DISC1: variants seen among roughly 807,000 people sequenced by gnomAD.
The protein encoded by DISC1 is DISC1 scaffold protein, also known as disrupted in schizophrenia 1 protein.
In DISC1, 57 loss-of-function variants were observed where a neutral mutation model predicts 84.5. The observed-to-expected ratio is 0.67, with a 90% CI of 0.55 to 0.84. The LOEUF is 0.84. Among genes scored for constraint, DISC1 ranks in the 40% least tolerant of loss-of-function variants. The pLI is 0.00. For synonymous variants in DISC1, 411 were observed against 415.2 expected (o/e 0.99, Z 0.12); for missense variants, 1,000 against 1,057.8 (o/e 0.95, Z 0.76).
chr1:231,638,388 G>A (rs2059366019), intron 1 of DISC1, among the ~76,000 whole-genome samples: 1 of 152,018 alleles, frequency 6.6e-6, no homozygotes, highest in Admixed American at 6.6e-5. Context: ...GTGCTTTTGA[G>A]GTCTTAGTCA....
At chr1:231,921,420 G>C (rs2090002327) in intron 9 of DISC1, among the ~76,000 whole-genome samples, 1 of 152,186 alleles carries the variant, frequency 6.6e-6, no homozygotes, top group Non-Finnish European at 1.5e-5. Context: ...TAGAGATACT[G>C]ACCCTTCCTT....
chr1:231,919,503 G>A (rs2038636), intron 9 of DISC1, among the ~76,000 whole-genome samples: 78,626 of 152,006 alleles, frequency 0.52, 21,129 homozygotes, highest in Non-Finnish European at 0.59. Flanking sequence ...AGCAGTCTAA[G>A]TGTATGTCTT....
At chr1:231,949,691 G>A (rs751710185) in intron 9 of DISC1, among the ~76,000 whole-genome samples, 3 of 152,164 alleles carry the variant, frequency 2.0e-5, no homozygotes, top group Non-Finnish European at 4.4e-5. Flanking sequence ...CTTCCTGCTA[G>A]TGTCCCAGCA....
intron 9 of DISC1, among the ~76,000 whole-genome samples, chr1:231,819,649 G>A (rs1259691142): frequency 6.6e-6 from 1 of 152,126 alleles, no homozygotes; most frequent in African/African-American, 2.4e-5. Context: ...CTAAATAACT[G>A]TAGTACTAGG....
At chr1:231,944,867 G>A (rs1440299912) in intron 9 of DISC1, 1 of 152,190 alleles carries the variant, frequency 6.6e-6, no homozygotes, top group Non-Finnish European at 1.5e-5. Flanking sequence ...TAATGGTAAA[G>A]GGATCAATGC....
At chr1:231,736,868 A>G (rs915098587) in intron 3 of DISC1, among the ~76,000 whole-genome samples, 5 of 152,208 alleles carry the variant, frequency 3.3e-5, no homozygotes, top group African/African-American at 1.2e-4. Flanking sequence ...TACACTATAT[A>G]TTTTGTCATC....
At chr1:231,904,947 T>C (rs1380785460) in intron 9 of DISC1, among the ~76,000 whole-genome samples, 1 of 152,090 alleles carries the variant, frequency 6.6e-6, no homozygotes, top group African/African-American at 2.4e-5. Context: ...GTGAATAAGA[T>C]AGAAAAATCT....
chr1:231,667,602 A>G (rs1200491253), intron 1 of DISC1, among the ~76,000 whole-genome samples: 9 of 152,220 alleles, frequency 5.9e-5, no homozygotes, highest in Non-Finnish European at 1.5e-5. Context: ...TCTTTTAAAA[A>G]TTAGCAATTC....
chr1:231,843,729 C>T (rs1326959304), intron 9 of DISC1, among the ~76,000 whole-genome samples: 1 of 152,072 alleles, frequency 6.6e-6, no homozygotes, highest in Non-Finnish European at 1.5e-5. Context: ...CTGGCCTGGA[C>T]CACCGGTGGG....
chr1:231,833,111 G>A (rs895277161), intron 9 of DISC1, among the ~76,000 whole-genome samples: 18 of 150,162 alleles, frequency 1.2e-4, no homozygotes, highest in South Asian at 2.1e-4. Context: ...GAAGAAGGGC[G>A]GCAATGAGAT....
At chr1:231,782,587 A>G (rs2077508572) in intron 6 of DISC1, among the ~76,000 whole-genome samples, 2 of 152,238 alleles carry the variant, frequency 1.3e-5, no homozygotes, top group South Asian at 4.1e-4. Context: ...TATGGAAAAT[A>G]TAAATACTTA....
intron 1 of DISC1, among the ~76,000 whole-genome samples, chr1:231,639,340 G>A (rs906274313): frequency 2.6e-5 from 4 of 152,112 alleles, no homozygotes; most frequent in African/African-American, 9.7e-5. Flanking sequence ...TGGATTTAGG[G>A]GACTGATGAA....
intron 1 of DISC1, among the ~76,000 whole-genome samples, chr1:231,671,481 A>T (rs1041552510): frequency 1.3e-5 from 2 of 152,160 alleles, no homozygotes; most frequent in Non-Finnish European, 2.9e-5. Flanking sequence ...CTAGGTTATC[A>T]TAAAAAAATT....
chr1:231,892,414 C>G (rs973497277), intron 9 of DISC1, among the ~76,000 whole-genome samples: 1 of 152,118 alleles, frequency 6.6e-6, no homozygotes, highest in Non-Finnish European at 1.5e-5. Context: ...ATGGCTCCCT[C>G]ACTTATAAAC....
chr1:231,750,618 G>T, intron 4 of DISC1: 1 of 982,212 alleles, frequency 1.0e-6, no homozygotes, highest in Non-Finnish European at 1.2e-6. Flanking sequence ...GAATAACTTA[G>T]AAAGATTTAA....
rs1318044384 is a variant in DISC1 at position 231,693,916 on chromosome 1, G to T, written c.158G>T (p.Gly53Val). 8 of 1,614,092 alleles carry T rather than the reference G, an allele frequency of 5.0e-6. No individual in the cohort carries two copies. Among genetic ancestry groups the T allele is most frequent in the Non-Finnish European group, 6.8e-6 (8 of 1,180,046 alleles). ...TACATGAGAAGCTCGACAGGGCCTG[G>T]GATCGGGTTCCTTTCCCCAGCAGTG... is the stretch of plus-strand genomic sequence containing the variant. ...PGYMRSSTGPGIGFLSPAVGT... is the reference protein window; with the variant it reads ...PGYMRSSTGPVIGFLSPAVGT... Residue 53 changes from glycine (G) to valine (V), a missense_variant, in exon 2 of 13, where the codon GGG becomes GTG. By Grantham distance (109) the Gly-to-Val change is moderately radical (BLOSUM62 -3). Around this residue, in one of 3 missense-constraint regions of DISC1, gnomAD observed 292 missense variants for 280.2 expected, o/e 1.04. Coordinates refer to ENST00000439617, the MANE Select transcript of DISC1 (RefSeq NM_018662.3).
At chr1:232,026,399 C>A in intron 11 of DISC1, 36 bp from the exon 12 acceptor site, 1 of 1,408,436 alleles carries the variant, frequency 7.1e-7, no homozygotes, top group Non-Finnish European at 9.9e-7. Context: ...GTGTCCACGG[C>A]ACTAACAAGT....
intron 10 of DISC1, among the ~76,000 whole-genome samples, chr1:231,996,139 CTTTTGA>C (rs1033973125): frequency 1.3e-5 from 2 of 152,160 alleles, no homozygotes; most frequent in African/African-American, 4.8e-5. Context: ...TAAATGTCTT[CTTTTGA>C]GAAGTGTCTG....
intron 9 of DISC1, among the ~76,000 whole-genome samples, chr1:231,882,030 A>T (rs1465489077): frequency 1.3e-5 from 2 of 152,180 alleles, no homozygotes; most frequent in Non-Finnish European, 2.9e-5. Context: ...TTGCCAGCCC[A>T]TCTCCACTCC....
Sources: gnomAD v4.1 joint callset for allele counts (sites outside exome capture counted in the v4.1 genomes callset) on GRCh38, gnomAD v4.1.1 for gene constraint, gnomAD v4.1.1 regional missense constraint, MANE v1.5 for transcripts, NCBI Gene and HGNC (gene_info 2026-07-23, HGNC 2026-07-21) for gene names.